The following GALK2 variants were observed in gnomAD, a reference collection of about 807,000 sequenced individuals.
GALK2 encodes galactokinase 2.
Under a neutral mutation model 52.4 loss-of-function variants are expected in GALK2, and 36 were observed. The ratio of observed to expected loss-of-function variants is 0.69; its 90% CI spans 0.53 to 0.91. The LOEUF (loss-of-function observed/expected upper bound fraction) is 0.91, where lower values mean the gene tolerates loss of function less well. Among genes scored for constraint, GALK2 ranks in the 40% least tolerant of loss-of-function variants. The pLI is 0.00. For missense variants in GALK2, 579 were observed against 559.1 expected (o/e 1.04, Z -0.36); for synonymous variants, 176 against 199.1 (o/e 0.88, Z 0.98).
At chr15:49,155,891 G>A in exon 1 of GALK2, 1 of 1,288,660 alleles carries the variant, frequency 7.8e-7, no homozygotes, top group Non-Finnish European at 1.1e-6. Context: ...AGCCTCCTGG[G>A]TAAAGGAGCA....
At chr15:49,217,700 T>C (rs1161848640) in intron 3 of GALK2, among the ~76,000 whole-genome samples, 1 of 152,208 alleles carries the variant, frequency 6.6e-6, no homozygotes, top group Non-Finnish European at 1.5e-5. Flanking sequence ...TGTATTATTA[T>C]TATCTGTTTA....
chr15:49,163,063 A>T (rs948746465), intron 1 of GALK2, among the ~76,000 whole-genome samples: 1 of 152,228 alleles, frequency 6.6e-6, no homozygotes, highest in African/African-American at 2.4e-5. Context: ...AGAAACTCTC[A>T]AATTGTTTTC....
intron 2 of GALK2, among the ~76,000 whole-genome samples, chr15:49,204,544 T>C (rs2088103294): frequency 4.6e-5 from 7 of 152,132 alleles, no homozygotes; most frequent in Admixed American, 4.6e-4. Context: ...TACAGGTCTT[T>C]TATCACCTTG....
At chr15:49,300,921 G>A (rs2035060054) in intron 8 of GALK2, among the ~76,000 whole-genome samples, 1 of 152,144 alleles carries the variant, frequency 6.6e-6, no homozygotes, top group South Asian at 2.1e-4. Context: ...GGTGGGCTAT[G>A]TACTTAAATG....
chr15:49,242,437 A>G (rs1332771102), intron 5 of GALK2, among the ~76,000 whole-genome samples: 3 of 152,214 alleles, frequency 2.0e-5, no homozygotes, highest in East Asian at 1.9e-4. Context: ...GGAATTTACC[A>G]TAGAGGTCAG....
intron 8 of GALK2, among the ~76,000 whole-genome samples, chr15:49,295,997 C>T (rs62009833): frequency 3.3e-5 from 5 of 152,234 alleles, no homozygotes; most frequent in Admixed American, 2.6e-4. Flanking sequence ...ATGTATTGCT[C>T]TCTCTCTGCC....
intron 5 of GALK2, among the ~76,000 whole-genome samples, chr15:49,266,174 G>C (rs554623944): frequency 6.6e-6 from 1 of 152,122 alleles, no homozygotes; most frequent in African/African-American, 2.4e-5. Flanking sequence ...GGCTAGTCCA[G>C]GCTTGTCCAA....
chr15:49,188,765 C>T (rs1039546878), intron 1 of GALK2, among the ~76,000 whole-genome samples: 1 of 152,134 alleles, frequency 6.6e-6, no homozygotes, highest in Non-Finnish European at 1.5e-5. Flanking sequence ...AGTTGAGGAC[C>T]TGATTCCTGG....
rs192598126 is a variant in GALK2 at position 49,178,780 on chromosome 15, G to T, written c.53+8405G>T. On this transcript the variant is annotated intron_variant, in intron 1 of 9. Coordinates refer to ENST00000560031, the MANE Select transcript of GALK2 (RefSeq NM_002044.4). ...TGGCTGTTGCCAGACGGAAAGGAAAGAGCCTTTCTCCCCCATTATTTATTT... is the reference window on the plus strand; with the variant it reads ...TGGCTGTTGCCAGACGGAAAGGAAATAGCCTTTCTCCCCCATTATTTATTT... The T allele has an allele frequency of 1.3e-3, 271 of 214,708 alleles. 5 individuals carry two copies. The highest frequency in any genetic ancestry group is 0.01 in the Admixed American group (246 of 24,252). The allele number at this position is 214,708 out of a possible 1,614,324, so 13.3% of individuals were successfully genotyped here.
At chr15:49,274,333 G>A (rs748046643) in intron 5 of GALK2, among the ~76,000 whole-genome samples, 2 of 152,148 alleles carry the variant, frequency 1.3e-5, no homozygotes, top group Admixed American at 6.5e-5. Context: ...ATAGGCAGTT[G>A]TAACACAATG....
At chr15:49,269,608 G>C (rs1243458759) in intron 5 of GALK2, among the ~76,000 whole-genome samples, 1 of 152,078 alleles carries the variant, frequency 6.6e-6, no homozygotes, top group East Asian at 1.9e-4. Flanking sequence ...TTTGGAGGAG[G>C]ACAAGGAAGT....
At position 49,181,731 on chromosome 15, in the gene GALK2, A is replaced by G. The variant is rs1316976147; in HGVS notation, c.53+11356A>G. The stretch of plus-strand genomic sequence containing the variant: ...TATTTTGAAATATTTTTAGACTTAT[A>G]GAAAAATCAAATAATAATTGAAAAA... On this transcript the variant is annotated intron_variant, in intron 1 of 9. Transcript: ENST00000560031. 5.9e-5 allele frequency among the ~76,000 whole-genome samples: 9 copies of G among 152,200 alleles called. No homozygotes were observed. In the East Asian group the frequency reaches 9.6e-4, roughly 16 times the overall value.
chr15:49,334,674 C>T (rs1471075975), downstream of GALK2, among the ~76,000 whole-genome samples: 1 of 152,122 alleles, frequency 6.6e-6, no homozygotes, highest in Non-Finnish European at 1.5e-5. Context: ...AGCAGGGGCG[C>T]AGGCTTTTAG....
chr15:49,233,825 ACT>A (rs1595770973), intron 3 of GALK2, among the ~76,000 whole-genome samples: 1 of 151,750 alleles, frequency 6.6e-6, no homozygotes, highest in Non-Finnish European at 1.5e-5. Flanking sequence ...TAGAAATAAT[ACT>A]CTCTCAGCCA....
chr15:49,240,826 G>T (rs1183688584), intron 5 of GALK2, among the ~76,000 whole-genome samples: 1 of 129,934 alleles, frequency 7.7e-6, no homozygotes, highest in African/African-American at 2.8e-5. Flanking sequence ...CTTCATAGCA[G>T]TGGGAAACCA....
chr15:49,320,799 C>G (rs1452412343), intron 9 of GALK2, among the ~76,000 whole-genome samples: 4 of 152,128 alleles, frequency 2.6e-5, no homozygotes, highest in African/African-American at 7.2e-5. Flanking sequence ...TTTTAAGTAC[C>G]CTTTTCTGAA....
At chr15:49,301,220 C>T (rs572783797) in intron 8 of GALK2, among the ~76,000 whole-genome samples, 6 of 152,180 alleles carry the variant, frequency 3.9e-5, no homozygotes, top group East Asian at 1.9e-4. Context: ...AAGGCCCATG[C>T]GCAGTTCTTA....
chr15:49,260,113 G>A (rs2092027309), intron 5 of GALK2, among the ~76,000 whole-genome samples: 1 of 152,040 alleles, frequency 6.6e-6, no homozygotes, highest in South Asian at 2.1e-4. Flanking sequence ...GGATGGCTGG[G>A]TGAAATGGTA....
chr15:49,354,963 C>T (rs1016379598), intron 3 of GALK2, among the ~76,000 whole-genome samples: 1 of 151,886 alleles, frequency 6.6e-6, no homozygotes, highest in African/African-American at 2.4e-5. Context: ...CTGGGAGGCA[C>T]CCCCCAGCAG....
Sources: allele counts gnomAD v4.1 joint callset (sites outside exome capture counted in the v4.1 genomes callset), GRCh38; gene constraint gnomAD v4.1.1; transcripts MANE v1.5; gene names NCBI Gene and HGNC (gene_info 2026-07-23, HGNC 2026-07-21).